The following EHD3 variants were observed in gnomAD, a reference collection of about 807,000 sequenced individuals.
EHD3 encodes the protein EH domain containing 3, also known as EH domain-containing protein 3.
A neutral mutation model predicts 43.0 loss-of-function variants in EHD3; 17 were observed. That is an observed-to-expected ratio of 0.40 (90% CI 0.27 to 0.59). EHD3 has a LOEUF of 0.59. Among genes scored for constraint, EHD3 ranks in the 20% least tolerant of loss-of-function variants. The pLI, the probability that EHD3 is intolerant of heterozygous loss-of-function variation, is 0.49. For synonymous variants in EHD3, 313 were observed against 289.5 expected (o/e 1.08, Z -0.82); for missense variants, 594 against 705.6 (o/e 0.84, Z 1.79).
chr2:31,254,540 G>A (rs1411331837), intron 3 of EHD3, among the ~76,000 whole-genome samples: 3 of 152,200 alleles, frequency 2.0e-5, no homozygotes, highest in South Asian at 4.1e-4. Context: ...TTTCTTCCCC[G>A]TTGTCAGCCA....
Position 31,234,379 on chromosome 2 carries a change from A to G in EHD3, c.-243A>G. 1.8e-6 allele frequency: 1 copy of G among 542,740 alleles called. No individual in the cohort carries two copies. Among genetic ancestry groups the G allele is most frequent in the Non-Finnish European group, 3.3e-6 (1 of 303,118 alleles). The allele number at this position is 542,740 out of a possible 1,614,324, so 33.6% of individuals were successfully genotyped here. A position where few individuals can be genotyped will look rare whatever the true frequency, so the allele number is the denominator to read the frequency against. ...TTTCACCCCTCCTCCTCAAGCCCAG[A>G]TTATTTATCCTCCCTCCGGCCTGGG... On this transcript the variant is annotated 5_prime_UTR_variant, in exon 1 of 6. Transcript: ENST00000322054.
intron 3 of EHD3, among the ~76,000 whole-genome samples, chr2:31,252,728 G>T (rs980247190): frequency 3.9e-5 from 6 of 152,136 alleles, no homozygotes; most frequent in Admixed American, 1.3e-4. Flanking sequence ...AGCAAATTAG[G>T]CCCTTGGTGT....
Position 31,234,389 on chromosome 2 carries a change from C to G in EHD3, c.-233C>G, listed in dbSNP as rs762367451. 127 of 558,278 alleles carry G rather than the reference C, an allele frequency of 2.3e-4. No homozygotes were observed. Among genetic ancestry groups the G allele is most frequent in the Non-Finnish European group, 3.6e-4 (113 of 312,650 alleles). 34.6% of individuals were successfully genotyped at this position (558,278 alleles called of 1,614,324 possible). A position where few individuals can be genotyped will look rare whatever the true frequency, so the allele number is the denominator to read the frequency against. On this transcript the variant is annotated 5_prime_UTR_variant, in exon 1 of 6. Coordinates refer to ENST00000322054, the MANE Select transcript of EHD3 (RefSeq NM_014600.3). ...CCTCCTCAAGCCCAGATTATTTATC[C>G]TCCCTCCGGCCTGGGCTGCTGGATG...
intron 1 of EHD3, among the ~76,000 whole-genome samples, chr2:31,243,666 G>A (rs945822251): frequency 2.0e-5 from 3 of 151,786 alleles, no homozygotes; most frequent in African/African-American, 7.3e-5. Context: ...ATGTTGGCCA[G>A]GCTGGTCTTG....
At chr2:31,236,207 T>C (rs1017547512) in intron 1 of EHD3, among the ~76,000 whole-genome samples, 1 of 152,138 alleles carries the variant, frequency 6.6e-6, no homozygotes, top group African/African-American at 2.4e-5. Flanking sequence ...CAACACCACA[T>C]TGAGTTTGTC....
chr2:31,259,598 C>A (rs2148722793), intron 3 of EHD3, among the ~76,000 whole-genome samples: 1 of 152,286 alleles, frequency 6.6e-6, no homozygotes, highest in Non-Finnish European at 1.5e-5. Context: ...AAGGAAGAAA[C>A]CCCTTGTGGT....
chr2:31,237,643 G>A (rs1683346955), intron 1 of EHD3, among the ~76,000 whole-genome samples: 1 of 152,120 alleles, frequency 6.6e-6, no homozygotes, highest in South Asian at 2.1e-4. Context: ...GACCTCAGGG[G>A]ATCCACCCAC....
intron 1 of EHD3, among the ~76,000 whole-genome samples, chr2:31,236,702 GTGT>G (rs1323839474): frequency 3.5e-4 from 53 of 152,322 alleles, no homozygotes; most frequent in African/African-American, 1.3e-3. Flanking sequence ...CTCCTTCCTG[GTGT>G]ACAATCATTG....
chr2:31,238,118 T>C (rs1292297632), intron 1 of EHD3, among the ~76,000 whole-genome samples: 1 of 152,222 alleles, frequency 6.6e-6, no homozygotes, highest in Non-Finnish European at 1.5e-5. Flanking sequence ...AAGAGTCATA[T>C]TTTGCAGTTG....
intron 5 of EHD3, among the ~76,000 whole-genome samples, chr2:31,262,832 T>C (rs1357310357): frequency 2.0e-5 from 3 of 152,196 alleles, no homozygotes; most frequent in Non-Finnish European, 2.9e-5. Flanking sequence ...TGAGAATCAC[T>C]TGAACCCAGG....
rs183440775 is a variant in EHD3 at position 31,248,550 on chromosome 2, G to A, written c.405-821G>A. 3.3e-5 allele frequency among the ~76,000 whole-genome samples: 5 copies of A among 152,256 alleles called. No homozygotes were observed. In the East Asian group the frequency reaches 9.7e-4, roughly 29 times the overall value. ...CTTAGTGTCCCCAACAGCAGGAGTT[G>A]GCAAGCATGAACCATGGCTGCCTCA... is the stretch of plus-strand genomic sequence containing the variant. On this transcript the variant is annotated intron_variant, in intron 2 of 5. Coordinates refer to ENST00000322054, the MANE Select transcript of EHD3 (RefSeq NM_014600.3).
chr2:31,241,871 C>G (rs1313850223), intron 1 of EHD3, among the ~76,000 whole-genome samples: 1 of 152,208 alleles, frequency 6.6e-6, no homozygotes, highest in African/African-American at 2.4e-5. Flanking sequence ...AGGATTCACT[C>G]TCATCACAAC....
chr2:31,248,405 C>T (rs539580476), intron 2 of EHD3, among the ~76,000 whole-genome samples: 47 of 152,298 alleles, frequency 3.1e-4, no homozygotes, highest in African/African-American at 1.1e-3. Flanking sequence ...CTACATCTGA[C>T]TTCTCTCAGG....
intron 2 of EHD3, among the ~76,000 whole-genome samples, chr2:31,246,920 G>C (rs184742397): frequency 1.3e-3 from 194 of 149,380 alleles, no homozygotes; most frequent in Non-Finnish European, 2.5e-3. Flanking sequence ...TTTTTGAGAC[G>C]AGGTCTTGCT....
rs1285911151 is a variant in EHD3 at position 31,246,651 on chromosome 2, A to G, written c.404+2201A>G. On this transcript the variant is annotated intron_variant, in intron 2 of 5. Coordinates refer to ENST00000322054, the MANE Select transcript of EHD3 (RefSeq NM_014600.3). ...ATGCTGGGTGCATTCCTGAGAGCTG[A>G]GCGCCCTTATGTCATTAATCAAACC... is the stretch of plus-strand genomic sequence containing the variant. Among the ~76,000 whole-genome samples, 6 of 152,140 alleles carry G rather than the reference A, an allele frequency of 3.9e-5. No homozygotes were observed. The South Asian group carries it at 1.0e-3, about 26-fold the overall frequency.
At chr2:31,255,059 A>G (rs1356448013) in intron 3 of EHD3, among the ~76,000 whole-genome samples, 1 of 152,122 alleles carries the variant, frequency 6.6e-6, no homozygotes, top group Non-Finnish European at 1.5e-5. Context: ...CATTACTTCA[A>G]AGTGCTTTCT....
intron 1 of EHD3, among the ~76,000 whole-genome samples, chr2:31,236,211 G>A (rs1299048533): frequency 1.3e-5 from 2 of 152,232 alleles, no homozygotes; most frequent in African/African-American, 4.8e-5. Flanking sequence ...ACCACATTGA[G>A]TTTGTCCTTG....
rs1225110036 is a variant in EHD3 at position 31,234,305 on chromosome 2, AC to A, written c.-313del. On this transcript the variant is annotated 5_prime_UTR_variant, in exon 1 of 6. Transcript: ENST00000322054. Reference sequence around the variant, plus strand: ...GGCCGATCGGGGACCCCGGCTTGGGACCCCGGCATCTGGCAGTTTCCTTGCA... The same window carrying A: ...GGCCGATCGGGGACCCCGGCTTGGGACCCGGCATCTGGCAGTTTCCTTGCA... The A allele has an allele frequency of 4.5e-3, 1,146 of 253,474 alleles. 6 individuals are homozygous for A. The highest frequency in any genetic ancestry group is 4.2e-3 in the Non-Finnish European group (568 of 134,634). 15.7% of individuals were successfully genotyped at this position (253,474 alleles called of 1,614,324 possible).
intron 1 of EHD3, among the ~76,000 whole-genome samples, chr2:31,241,020 A>G (rs183833886): frequency 4.6e-5 from 7 of 152,300 alleles, no homozygotes; most frequent in Admixed American, 2.6e-4. Context: ...TGTAAATCCA[A>G]AAGTGTCCTT....
Sources: gnomAD v4.1 joint callset for allele counts (sites outside exome capture counted in the v4.1 genomes callset) on GRCh38, gnomAD v4.1.1 for gene constraint, MANE v1.5 for transcripts, NCBI Gene and HGNC (gene_info 2026-07-23, HGNC 2026-07-21) for gene names.